The following SCAMP5 variants were observed in gnomAD, a reference collection of about 807,000 sequenced individuals.
SCAMP5 encodes the protein secretory carrier membrane protein 5.
In SCAMP5, 7 loss-of-function variants were observed where a neutral mutation model predicts 28.3. That is an observed-to-expected ratio of 0.25 (90% CI 0.14 to 0.46). SCAMP5 has a LOEUF of 0.46. SCAMP5 is among the 20% of genes least tolerant of loss of function. SCAMP5 has a pLI of 0.99. For missense variants in SCAMP5, 192 were observed against 312.5 expected (o/e 0.61, Z 2.91); for synonymous variants, 117 against 116.4 (o/e 1.00, Z -0.03).
intron 1 of SCAMP5, among the ~76,000 whole-genome samples, chr15:75,000,683 C>CT (rs58106804): frequency 0.53 from 63,545 of 120,160 alleles, 20,607 homozygotes; most frequent in Non-Finnish European, 0.73. Flanking sequence ...CGCACCCAGC[C>CT]TTTTTTTTTT....
chr15:75,009,660 G>A (rs972386076), intron 1 of SCAMP5, among the ~76,000 whole-genome samples: 2 of 152,030 alleles, frequency 1.3e-5, no homozygotes, highest in African/African-American at 4.8e-5. Context: ...ATTTTTTGTA[G>A]AGATGGAGTC....
rs2065880709 is a variant in SCAMP5, at chr15:75,018,755, T to C, written c.514-34T>C. On this transcript the variant is annotated intron_variant, in intron 6 of 6. Coordinates refer to ENST00000425597, the MANE Select transcript of SCAMP5 (RefSeq NM_138967.4). The surrounding 1 kb of genome is among the most constrained non-coding windows in gnomAD (Gnocchi z 5.6). ...TCCTGGATGGGCTGCCTTTTCTCTT[T>C]GATTAACCCTTCTTTACGCTCTTTT... The C allele has an allele frequency of 1.3e-6, 2 of 1,535,356 alleles. No individual in the cohort carries two copies. The highest frequency in any genetic ancestry group is 2.8e-5 in the African/African-American group (2 of 72,720).
chr15:75,006,603 C>T (rs763329649), intron 1 of SCAMP5, among the ~76,000 whole-genome samples: 12 of 151,976 alleles, frequency 7.9e-5, no homozygotes, highest in Admixed American at 2.0e-4. Context: ...CTGGCTAACA[C>T]GGTGAAACCC....
At chr15:75,003,025 G>A (rs1168484383) in intron 1 of SCAMP5, among the ~76,000 whole-genome samples, 3 of 152,112 alleles carry the variant, frequency 2.0e-5, no homozygotes, top group African/African-American at 7.2e-5. Context: ...CTGCCTCCTG[G>A]GCTCAAGCGA....
intron 3 of SCAMP5, among the ~76,000 whole-genome samples, chr15:75,015,746 C>T (rs1483779429): frequency 1.3e-5 from 2 of 151,734 alleles, no homozygotes; most frequent in East Asian, 1.9e-4. Flanking sequence ...GCCAACTTGG[C>T]GAAAAACCAT....
intron 1 of SCAMP5, among the ~76,000 whole-genome samples, chr15:75,000,168 T>G (rs893652518): frequency 2.0e-5 from 3 of 152,164 alleles, no homozygotes; most frequent in African/African-American, 7.2e-5. Context: ...GCATATATTT[T>G]TACAGATAGC....
At chr15:75,004,641 G>A (rs34025186) in intron 1 of SCAMP5, among the ~76,000 whole-genome samples, 15,383 of 151,788 alleles carry the variant, frequency 0.1, 995 homozygotes, top group Middle Eastern at 0.28. Context: ...GAGACTGGAG[G>A]ATCTCTTGAG....
At chr15:74,997,367 C>A (rs2065663014) in intron 1 of SCAMP5, 1 of 152,202 alleles carries the variant, frequency 6.6e-6, no homozygotes, top group South Asian at 2.1e-4. Context: ...CGTTAATTGC[C>A]TCCCTCCCAC....
chr15:75,001,142 C>T (rs926005990), intron 1 of SCAMP5, among the ~76,000 whole-genome samples: 2 of 151,574 alleles, frequency 1.3e-5, no homozygotes, highest in African/African-American at 2.4e-5. Context: ...GGGGTGGTGG[C>T]GGGTGTCTGT....
rs761402230 is a variant in SCAMP5 at position 75,016,652 on chromosome 15, G to C, written c.196G>C (p.Gly66Arg). 3 of 1,613,708 alleles carry C rather than the reference G, an allele frequency of 1.9e-6. No homozygotes were observed. Among genetic ancestry groups the C allele is most frequent in the Non-Finnish European group, 2.5e-6 (3 of 1,179,838 alleles). The part of the protein sequence containing the change: ...VGCLAWLIGG[G>R]GATNFGLAFL... ...CTGTCTCGCGTGGCTGATCGGAGGC[G>C]GGGGAGCCACCAACTTTGGCCTCGC... Residue 66 changes from glycine to arginine, a missense_variant, in exon 4 of 7, where the codon GGG (glycine) becomes CGG (arginine). Coordinates refer to ENST00000425597, the MANE Select transcript of SCAMP5 (RefSeq NM_138967.4).
intron 1 of SCAMP5, among the ~76,000 whole-genome samples, chr15:75,001,298 G>T (rs2065705876): frequency 7.0e-6 from 1 of 143,116 alleles, no homozygotes. Flanking sequence ...AAAAGATTCA[G>T]ATCCAATATC....
intron 2 of SCAMP5, among the ~76,000 whole-genome samples, chr15:75,012,289 A>G (rs1034744938): frequency 4.6e-5 from 7 of 152,214 alleles, no homozygotes; most frequent in African/African-American, 1.4e-4. Context: ...GAGAGGGGCG[A>G]TGATTTGCCC....
intron 1 of SCAMP5, among the ~76,000 whole-genome samples, chr15:75,002,173 C>T (rs73436579): frequency 0.2 from 30,277 of 151,568 alleles, 4,804 homozygotes; most frequent in South Asian, 0.43. Context: ...TTGAAGCAGA[C>T]ATCCAAGATG....
At chr15:75,017,742 C>A (rs1269322588) in intron 4 of SCAMP5, 128 bp from the exon 5 acceptor site, 1 of 722,782 alleles carries the variant, frequency 1.4e-6, no homozygotes, top group Admixed American at 2.0e-5. Flanking sequence ...CCCTTCTGAC[C>A]TCTCAATTAA....
intron 1 of SCAMP5, among the ~76,000 whole-genome samples, chr15:75,000,564 T>A (rs909128142): frequency 2.6e-5 from 4 of 152,054 alleles, no homozygotes; most frequent in South Asian, 4.2e-4. Flanking sequence ...TTGTATTTTT[T>A]AAGTAGAGAC....
At chr15:75,005,939 T>G (rs2065753528) in intron 1 of SCAMP5, among the ~76,000 whole-genome samples, 1 of 149,464 alleles carries the variant, frequency 6.7e-6, no homozygotes, top group African/African-American at 2.5e-5. Flanking sequence ...TTGGCCAGGC[T>G]GGTCTGGAAC....
intron 1 of SCAMP5, among the ~76,000 whole-genome samples, chr15:75,001,897 A>G (rs911878023): frequency 2.9e-4 from 43 of 147,968 alleles, no homozygotes; most frequent in African/African-American, 9.4e-4. Context: ...AAAAAAAAAA[A>G]AGAGACTAAC....
intron 1 of SCAMP5, chr15:75,011,520 G>C (rs1567026650): frequency 3.7e-6 from 1 of 266,814 alleles, no homozygotes; most frequent in Non-Finnish European, 7.2e-6. Flanking sequence ...CCCTGTATGG[G>C]ATCCCCTCCC....
At position 75,012,696 on chromosome 15, in the gene SCAMP5, A is replaced by G; in HGVS notation, c.27A>G (p.Pro9=). The G allele has an allele frequency of 1.2e-6, 2 of 1,613,978 alleles. No individual in the cohort carries two copies. The highest frequency in any genetic ancestry group is 1.7e-6 in the Non-Finnish European group (2 of 1,179,850). ...CCACAGAGAAAGTGAACAACTTCCC[A>G]CCATTGCCCAAATTCATCCCGCTGA... MAEKVNNF[P]PLPKFIPLKP... Residue 9 remains proline, a synonymous_variant, in exon 3 of 7, where the codon CCA becomes CCG. Coordinates refer to ENST00000425597, the MANE Select transcript of SCAMP5 (RefSeq NM_138967.4).
Sources: gnomAD v4.1 joint callset for allele counts (sites outside exome capture counted in the v4.1 genomes callset) on GRCh38, gnomAD v4.1.1 for gene constraint, Gnocchi (gnomAD v3.1) non-coding constraint, MANE v1.5 for transcripts, NCBI Gene and HGNC (gene_info 2026-07-23, HGNC 2026-07-21) for gene names.